The following KANK1 variants were observed in gnomAD, a reference collection of about 807,000 sequenced individuals.
KANK1 encodes KN motif and ankyrin repeat domain-containing protein 1.
In KANK1, 109 loss-of-function variants were observed where a neutral mutation model predicts 106.2. The observed-to-expected ratio is 1.03, with a 90% CI of 0.88 to 1.20. KANK1 has a LOEUF of 1.20. Among genes scored for constraint, KANK1 ranks in the 50% most tolerant of loss-of-function variants. The probability of loss-of-function intolerance (pLI) is 0.00; values close to 1 mark genes in which losing one functional copy is unlikely to be tolerated. For missense variants in KANK1, 2,399 were observed against 1,710.7 expected, an observed-to-expected ratio of 1.40 and a Z score of -7.10; for synonymous variants, 873 against 652.2, an observed-to-expected ratio of 1.34 and a Z score of -5.16.
At chr9:665,586 T>C (rs1187060544) in intron 1 of KANK1, among the ~76,000 whole-genome samples, 4 of 152,206 alleles carry the variant, frequency 2.6e-5, no homozygotes, top group Admixed American at 1.3e-4. Flanking sequence ...TAGTATATTT[T>C]TAAGTCAAGT....
chr9:485,118 C>T (rs768903331), intron 3 of KANK1, among the ~76,000 whole-genome samples: 1 of 152,202 alleles, frequency 6.6e-6, no homozygotes, highest in Non-Finnish European at 1.5e-5. Context: ...CCTCCACCCT[C>T]ACTGTCAGTC....
chr9:542,023 A>G (rs1193836089), intron 1 of KANK1, among the ~76,000 whole-genome samples: 1 of 151,674 alleles, frequency 6.6e-6, no homozygotes, highest in East Asian at 1.9e-4. Flanking sequence ...CGGGAGGCGG[A>G]GCTTGCAGTG....
chr9:512,569 C>T (rs1407928710), intron 1 of KANK1, among the ~76,000 whole-genome samples: 1 of 152,074 alleles, frequency 6.6e-6, no homozygotes, highest in Admixed American at 6.6e-5. Flanking sequence ...ACCATCATAC[C>T]CTGCTACGAG....
intron 2 of KANK1, among the ~76,000 whole-genome samples, chr9:699,942 G>A (rs1027658451): frequency 8.6e-5 from 13 of 152,042 alleles, no homozygotes; most frequent in African/African-American, 2.4e-4. Flanking sequence ...TGATCGTGCC[G>A]CTACACTCCA....
At chr9:509,882 G>C (rs2058950859) in intron 1 of KANK1, among the ~76,000 whole-genome samples, 2 of 152,054 alleles carry the variant, frequency 1.3e-5, no homozygotes, top group Admixed American at 1.3e-4. Flanking sequence ...CTGTAACCGT[G>C]AACTGCTGGG....
At chr9:618,202 A>G (rs1484017345) in intron 1 of KANK1, among the ~76,000 whole-genome samples, 1 of 152,110 alleles carries the variant, frequency 6.6e-6, no homozygotes. Flanking sequence ...TTCTAATTCC[A>G]GATCACATTT....
chr9:651,414 G>T (rs769276614), intron 1 of KANK1, among the ~76,000 whole-genome samples: 2 of 152,066 alleles, frequency 1.3e-5, no homozygotes, highest in Non-Finnish European at 2.9e-5. Flanking sequence ...TTTAGGAAAC[G>T]TGGCCTAACA....
chr9:664,041 G>A (rs1240917186), intron 1 of KANK1, among the ~76,000 whole-genome samples: 7 of 152,124 alleles, frequency 4.6e-5, no homozygotes, highest in Admixed American at 6.5e-5. Context: ...GGAGGGACTC[G>A]ATGGGAGGTA....
chr9:617,098 AG>A (rs757925269), intron 1 of KANK1, among the ~76,000 whole-genome samples: 6 of 152,132 alleles, frequency 3.9e-5, no homozygotes, highest in Non-Finnish European at 7.4e-5. Flanking sequence ...AGTGAATGTT[AG>A]GTCAGTTAGG....
intron 7 of KANK1, among the ~76,000 whole-genome samples, chr9:736,051 G>A (rs1408676343): frequency 2.6e-5 from 4 of 152,072 alleles, no homozygotes; most frequent in Admixed American, 2.0e-4. Context: ...TCCGCCTCCC[G>A]GGTTCGGGCC....
At chr9:501,172 C>T (rs1587278481), upstream of KANK1, among the ~76,000 whole-genome samples, 9 of 152,194 alleles carry the variant, frequency 5.9e-5, 1 homozygote, top group Middle Eastern at 6.8e-3. Context: ...AAATTCTAGA[C>T]CACCAACTCT....
intron 3 of KANK1, chr9:473,367 T>TTC (rs1394821654): frequency 6.6e-6 from 1 of 152,206 alleles, no homozygotes; most frequent in African/African-American, 2.4e-5. Flanking sequence ...GACTATTGGA[T>TTC]AGGGGTCTGA....
At chr9:731,363 C>T in intron 5 of KANK1, 97 bp downstream of exon 5, 1 of 669,772 alleles carries the variant, frequency 1.5e-6, no homozygotes, top group Non-Finnish European at 2.6e-6. Context: ...GAAGCGGCCA[C>T]AGCGCAGTGA....
chr9:724,973 T>C (rs1009622646), intron 3 of KANK1, among the ~76,000 whole-genome samples: 1 of 152,214 alleles, frequency 6.6e-6, no homozygotes. Context: ...AGGCATTTCA[T>C]ATTTGCAGTT....
At chr9:586,285 A>G (rs540629761) in intron 1 of KANK1, among the ~76,000 whole-genome samples, 1 of 152,210 alleles carries the variant, frequency 6.6e-6, no homozygotes, top group Non-Finnish European at 1.5e-5. Flanking sequence ...TTTTACAGTC[A>G]AGGGGATGGG....
Position 742,235 on chromosome 9 carries a change from A to G in KANK1, c.3727A>G (p.Ser1243Gly), listed in dbSNP as rs758914201. The change falls in exon 10 of 12, where the codon AGT (serine) becomes GGT (glycine). Residue 1243 changes from serine (S) to glycine (G), a missense_variant. Physicochemically the swap from Ser to Gly is moderately conservative, Grantham distance 56. Coordinates refer to ENST00000382297, the MANE Select transcript of KANK1 (RefSeq NM_015158.5). ...ACAGACGGCCCTCATGCTGGCGGTC[A>G]GTCACGGACGGATAGACATGGTGAA... ...AGQTALMLAV[S>G]HGRIDMVKGL... is the part of the protein sequence containing the mutation. 6.2e-7 allele frequency: 1 copy of G among 1,614,152 alleles called. No individual in the cohort carries two copies. The highest frequency in any genetic ancestry group is 8.5e-7 in the Non-Finnish European group (1 of 1,180,006).
chr9:583,196 C>G (rs980816498), intron 1 of KANK1, among the ~76,000 whole-genome samples: 1 of 152,032 alleles, frequency 6.6e-6, no homozygotes, highest in Admixed American at 6.6e-5. Flanking sequence ...GTTACCAAGT[C>G]TTTTTTAGGA....
chr9:542,605 T>C (rs757829586), intron 1 of KANK1, among the ~76,000 whole-genome samples: 11 of 152,210 alleles, frequency 7.2e-5, no homozygotes, highest in Non-Finnish European at 1.6e-4. Flanking sequence ...TGTACTTCTG[T>C]GTCCCTCGCA....
intron 1 of KANK1, among the ~76,000 whole-genome samples, chr9:650,591 G>T (rs974104508): frequency 6.6e-6 from 1 of 152,136 alleles, no homozygotes; most frequent in African/African-American, 2.4e-5. Context: ...AGTGGGCTGT[G>T]ACTCTGCATA....
Sources: allele counts gnomAD v4.1 joint callset (sites outside exome capture counted in the v4.1 genomes callset), GRCh38; gene constraint gnomAD v4.1.1; transcripts MANE v1.5; gene names NCBI Gene and HGNC (gene_info 2026-07-23, HGNC 2026-07-21).